Variants in PTPRD observed in about 807,000 individuals in gnomAD.
PTPRD encodes protein tyrosine phosphatase receptor type D, also known as receptor-type tyrosine-protein phosphatase delta.
A neutral mutation model predicts 214.5 loss-of-function variants in PTPRD; 34 were observed. That is an observed-to-expected ratio of 0.16 (90% confidence interval 0.12 to 0.21). The LOEUF is 0.21. PTPRD is among the 10% of genes least tolerant of loss of function. The pLI, the probability that PTPRD is intolerant of heterozygous loss-of-function variation, is 1.00. For synonymous variants in PTPRD, 1,128 were observed against 845.7 expected (o/e 1.33, Z -5.79); for missense variants, 2,545 against 2,398.7 (o/e 1.06, Z -1.27).
intron 12 of PTPRD, among the ~76,000 whole-genome samples, chr9:8,733,006 G>T (rs2098676808): frequency 6.6e-6 from 1 of 152,154 alleles, no homozygotes; most frequent in Non-Finnish European, 1.5e-5. Context: ...GGAGTACAAG[G>T]CCGAGACATG....
intron 7 of PTPRD, among the ~76,000 whole-genome samples, chr9:9,727,359 A>G (rs1362511659): frequency 6.6e-6 from 1 of 152,104 alleles, no homozygotes; most frequent in Non-Finnish European, 1.5e-5. Context: ...TTGAGGCAGG[A>G]GGATCACCTG....
At chr9:9,395,297 G>A (rs1233771396) in intron 9 of PTPRD, among the ~76,000 whole-genome samples, 1 of 151,956 alleles carries the variant, frequency 6.6e-6, no homozygotes, top group Non-Finnish European at 1.5e-5. Context: ...TAAAATTTCA[G>A]GCCCTAATGT....
At chr9:9,888,559 G>C (rs988057241) in intron 5 of PTPRD, among the ~76,000 whole-genome samples, 2 of 152,054 alleles carry the variant, frequency 1.3e-5, no homozygotes, top group East Asian at 3.9e-4. Context: ...GAGCTCCTGG[G>C]AGAGCCAATT....
In PTPRD at chr9:8,851,412, G is replaced by A. The variant is rs556475607; in HGVS notation, c.-103-117466C>T. Among the ~76,000 whole-genome samples, 57 of 152,164 alleles carry A rather than the reference G, an allele frequency of 3.7e-4. No homozygotes were observed. In the South Asian group the frequency reaches 0.011, roughly 29 times the overall value. On this transcript the variant is annotated intron_variant, in intron 11 of 45. Transcript: ENST00000381196. Reference sequence around the variant, plus strand: ...TGCTTTCTAAGATAAACAACATACCGTGCCATGCTAATATGTACAGACTTT... The same window carrying A: ...TGCTTTCTAAGATAAACAACATACCATGCCATGCTAATATGTACAGACTTT...
intron 3 of PTPRD, among the ~76,000 whole-genome samples, chr9:10,169,807 A>G (rs923794585): frequency 6.6e-6 from 1 of 152,214 alleles, no homozygotes; most frequent in East Asian, 1.9e-4. Context: ...CCAGTTTTCA[A>G]CCAAAAATTA....
intron 9 of PTPRD, among the ~76,000 whole-genome samples, chr9:9,247,712 C>A (rs1360849371): frequency 6.6e-6 from 1 of 152,052 alleles, no homozygotes; most frequent in Non-Finnish European, 1.5e-5. Flanking sequence ...CCTCTTCTGA[C>A]CCTTGAATCC....
intron 4 of PTPRD, among the ~76,000 whole-genome samples, chr9:9,990,290 CATA>C (rs1362334503): frequency 6.6e-6 from 1 of 152,180 alleles, no homozygotes; most frequent in Non-Finnish European, 1.5e-5. Context: ...TCTCTTCTTT[CATA>C]ATGTTAAGTG....
intron 3 of PTPRD, among the ~76,000 whole-genome samples, chr9:10,050,559 C>CAAAAAAAAAAAAAAAAAA (rs1164243746): frequency 2.9e-4 from 4 of 13,998 alleles, no homozygotes; most frequent in African/African-American, 7.6e-4. Flanking sequence ...GAGTCTGTCT[C>CAAAAAAAAAAAAAAAAAA]AAAAAAAAAA....
Position 8,500,889 on chromosome 9 carries a change from T to C in PTPRD, c.1993A>G (p.Ile665Val), listed in dbSNP as rs773970763. Reference protein sequence around the residue: ...EDDKPHEILGIPSDTTKYLLE... With the variant: ...EDDKPHEILGVPSDTTKYLLE... Reference sequence around the variant, plus strand: ...AGGTATTTGGTAGTGTCCGAAGGAATTCCCAAAATCTCGTGAGGCTTGTCA... The same window carrying C: ...AGGTATTTGGTAGTGTCCGAAGGAACTCCCAAAATCTCGTGAGGCTTGTCA... The change falls in exon 24 of 46, where the codon ATT becomes GTT. Residue 665 changes from isoleucine to valine, a missense_variant. Transcript: ENST00000381196. The C allele has an allele frequency of 3.7e-6, 6 of 1,614,054 alleles. No individual in the cohort carries two copies. The African/African-American group carries it at 6.7e-5, about 18-fold the overall frequency.
intron 11 of PTPRD, among the ~76,000 whole-genome samples, chr9:8,867,654 G>C (rs1300349632): frequency 6.6e-6 from 1 of 152,222 alleles, no homozygotes; most frequent in African/African-American, 2.4e-5. Flanking sequence ...GTAGTGATGA[G>C]AAATTAGAGC....
At chr9:8,811,477 T>C (rs1224465500) in intron 11 of PTPRD, among the ~76,000 whole-genome samples, 1 of 152,182 alleles carries the variant, frequency 6.6e-6, no homozygotes, top group Non-Finnish European at 1.5e-5. Context: ...AATAAATGAA[T>C]ATAATTTTTA....
At chr9:9,093,357 T>G (rs1374446485) in intron 10 of PTPRD, among the ~76,000 whole-genome samples, 2 of 151,954 alleles carry the variant, frequency 1.3e-5, no homozygotes, top group East Asian at 3.9e-4. Flanking sequence ...GATAGAACCC[T>G]CTATCCAATA....
chr9:10,141,009 T>A (rs1188684897), intron 3 of PTPRD, among the ~76,000 whole-genome samples: 1 of 152,038 alleles, frequency 6.6e-6, no homozygotes, highest in Non-Finnish European at 1.5e-5. Context: ...CACATGATTA[T>A]CTCAATAGAT....
In PTPRD at chr9:9,116,816, C is replaced by A. The variant is rs147106195; in HGVS notation, c.-143+66488G>T. ...TTCAATTATTATCTCCTCCAGATAC[C>A]TTGTGCTTTTCATTCCTAGTGCTTG... On this transcript the variant is annotated intron_variant, in intron 10 of 45. Coordinates refer to ENST00000381196, the MANE Select transcript of PTPRD (RefSeq NM_002839.4). 7.2e-5 allele frequency among the ~76,000 whole-genome samples: 11 copies of A among 152,154 alleles called. No individual in the cohort carries two copies. In the East Asian group the frequency reaches 2.1e-3, roughly 29 times the overall value.
intron 44 of PTPRD, among the ~76,000 whole-genome samples, chr9:8,329,670 G>C (rs888157641): frequency 6.6e-6 from 1 of 152,162 alleles, no homozygotes; most frequent in African/African-American, 2.4e-5. Flanking sequence ...TTATCTGTAA[G>C]TAAGTCTGTG....
rs547784062 is a variant in PTPRD, at chr9:9,679,356, CATT to C, written c.-287+55174_-287+55176del. Among the ~76,000 whole-genome samples, 366 of 151,868 alleles carry C rather than the reference CATT, an allele frequency of 2.4e-3. 2 individuals carry two copies. Among genetic ancestry groups the C allele is most frequent in the African/African-American group, 8.2e-3 (341 of 41,460 alleles). On this transcript the variant is annotated intron_variant, in intron 7 of 45. Transcript: ENST00000381196. The stretch of plus-strand genomic sequence containing the variant: ...AAATTAATACATATGAGATCAGTAA[CATT>C]GTTGAATATATAGTCAATCAATCCA...
chr9:9,656,877 A>G (rs938045359), intron 7 of PTPRD, among the ~76,000 whole-genome samples: 1 of 152,046 alleles, frequency 6.6e-6, no homozygotes, highest in African/African-American at 2.4e-5. Flanking sequence ...AGATATATAT[A>G]TATATATACA....
chr9:10,464,336 T>C (rs1382023380), intron 2 of PTPRD, among the ~76,000 whole-genome samples: 1 of 151,802 alleles, frequency 6.6e-6, no homozygotes, highest in African/African-American at 2.4e-5. Context: ...GCCGAGGTCA[T>C]GTCACTGCAC....
Position 9,611,058 on chromosome 9 carries a change from A to G in PTPRD, c.-286-36277T>C, listed in dbSNP as rs558465763. 2.6e-5 allele frequency among the ~76,000 whole-genome samples: 4 copies of G among 152,302 alleles called. No individual in the cohort carries two copies. In the East Asian group the frequency reaches 7.7e-4, roughly 29 times the overall value. ...ATTTTGTGTGTAATTCTCTCTTTTA[A>G]CATCATATTGTAAACATCGTCCTCT... On this transcript the variant is annotated intron_variant, in intron 7 of 45. Coordinates refer to ENST00000381196, the MANE Select transcript of PTPRD (RefSeq NM_002839.4).
Sources: allele counts gnomAD v4.1 joint callset (sites outside exome capture counted in the v4.1 genomes callset), GRCh38; gene constraint gnomAD v4.1.1; transcripts MANE v1.5; gene names NCBI Gene and HGNC (gene_info 2026-07-23, HGNC 2026-07-21).